SLC13A1: variants seen among roughly 807,000 people sequenced by gnomAD.
SLC13A1 encodes Na(+)/sulfate cotransporter.
In SLC13A1, 65 loss-of-function variants were observed where a neutral mutation model predicts 70.0. That is an observed-to-expected ratio of 0.93 (90% CI 0.76 to 1.14). The LOEUF (loss-of-function observed/expected upper bound fraction) is 1.14. SLC13A1 is among the 50% of genes most tolerant of loss of function. SLC13A1 has a pLI of 0.00. For synonymous variants in SLC13A1, 275 were observed against 250.5 expected (o/e 1.10, Z -0.92); for missense variants, 726 against 717.8 (o/e 1.01, Z -0.13).
rs141392908 is a variant in SLC13A1 at position 123,130,378 on chromosome 7, G to A, written c.933-897C>T. On this transcript the variant is annotated intron_variant, in intron 8 of 14. Coordinates refer to ENST00000194130, the MANE Select transcript of SLC13A1 (RefSeq NM_022444.4). ...GTACATATACACTATGGAATACTAT[G>A]CAGCCAAAACAAGGAACAAGATCAT... is the stretch of plus-strand genomic sequence containing the variant. Among the ~76,000 whole-genome samples the A allele has an allele frequency of 8.3e-3, 1,270 of 152,246 alleles. 9 individuals are homozygous for A. Among genetic ancestry groups the A allele is most frequent in the African/African-American group, 0.029 (1,188 of 41,534 alleles).
At chr7:123,155,590 G>T (rs1354175547) in intron 6 of SLC13A1, among the ~76,000 whole-genome samples, 2 of 151,980 alleles carry the variant, frequency 1.3e-5, no homozygotes, top group Admixed American at 1.3e-4. Flanking sequence ...AGATATCCAG[G>T]AATTTTTGGT....
At chr7:123,147,384 C>T (rs1414914746) in intron 6 of SLC13A1, 74 bp from the exon 7 acceptor site, 24 of 1,499,698 alleles carry the variant, frequency 1.6e-5, no homozygotes, top group Non-Finnish European at 2.1e-5. Flanking sequence ...TGTGTCCCAC[C>T]ACCCGCACCA....
At chr7:123,136,797 G>T (rs573756878) in intron 7 of SLC13A1, among the ~76,000 whole-genome samples, 1 of 152,140 alleles carries the variant, frequency 6.6e-6, no homozygotes, top group Non-Finnish European at 1.5e-5. Flanking sequence ...GAAATTTTAC[G>T]TAATGCCATC....
At chr7:123,171,134 G>C (rs918692816) in intron 3 of SLC13A1, among the ~76,000 whole-genome samples, 1 of 152,148 alleles carries the variant, frequency 6.6e-6, no homozygotes, top group African/African-American at 2.4e-5. Context: ...AAATGATTAT[G>C]ACACTGGAAA....
intron 7 of SLC13A1, among the ~76,000 whole-genome samples, chr7:123,136,401 A>G (rs1191568658): frequency 2.2e-4 from 34 of 152,204 alleles, no homozygotes. Context: ...ACCTAGAGTG[A>G]ATATTTTGGA....
At chr7:123,168,803 G>C (rs1795158182) in intron 4 of SLC13A1, among the ~76,000 whole-genome samples, 3 of 152,142 alleles carry the variant, frequency 2.0e-5, no homozygotes, top group Admixed American at 2.0e-4. Context: ...TATCCAAATA[G>C]AATGTAGGAA....
chr7:123,172,433 C>T (rs933161368), intron 2 of SLC13A1, among the ~76,000 whole-genome samples: 5 of 152,246 alleles, frequency 3.3e-5, no homozygotes, highest in African/African-American at 1.2e-4. Flanking sequence ...CCATCCTGGC[C>T]AACATAGTGA....
intron 8 of SLC13A1, among the ~76,000 whole-genome samples, chr7:123,133,688 C>T (rs888347366): frequency 6.6e-6 from 1 of 151,970 alleles, no homozygotes; most frequent in Non-Finnish European, 1.5e-5. Context: ...CCCGCCACAC[C>T]TGGCTATTTT....
intron 10 of SLC13A1, among the ~76,000 whole-genome samples, chr7:123,125,902 TC>T (rs1793542700): frequency 6.6e-6 from 1 of 152,170 alleles, no homozygotes; most frequent in Non-Finnish European, 1.5e-5. Context: ...ATATATCTCT[TC>T]TTATTTTCAA....
chr7:123,151,850 A>T (rs1794568280), intron 6 of SLC13A1, among the ~76,000 whole-genome samples: 1 of 152,014 alleles, frequency 6.6e-6, no homozygotes, highest in East Asian at 1.9e-4. Context: ...ATCTACTGAA[A>T]TATGCCTGGA....
At chr7:123,130,267 A>G (rs1299136514) in intron 8 of SLC13A1, among the ~76,000 whole-genome samples, 1 of 152,202 alleles carries the variant, frequency 6.6e-6, no homozygotes, top group African/African-American at 2.4e-5. Context: ...ATGCATACAT[A>G]TGTTCACTGC....
At chr7:123,168,007 C>T (rs1380681915) in intron 6 of SLC13A1, among the ~76,000 whole-genome samples, 2 of 152,006 alleles carry the variant, frequency 1.3e-5, no homozygotes, top group African/African-American at 2.4e-5. Context: ...TGCAATTCAC[C>T]TGTACTACAA....
At chr7:123,147,077 A>G (rs1389923508) in intron 7 of SLC13A1, 82 bp downstream of exon 7, 3 of 1,389,420 alleles carry the variant, frequency 2.2e-6, no homozygotes, top group Non-Finnish European at 2.9e-6. Flanking sequence ...CTGTACTTGA[A>G]TTCTCTGAAT....
At chr7:123,135,811 AT>A (rs1423196538) in intron 7 of SLC13A1, among the ~76,000 whole-genome samples, 1 of 152,270 alleles carries the variant, frequency 6.6e-6, no homozygotes, top group East Asian at 1.9e-4. Flanking sequence ...CTGGAGGATA[AT>A]TTTTATCTAC....
chr7:123,180,182 G>T (rs987598143), intron 2 of SLC13A1, among the ~76,000 whole-genome samples: 1 of 152,090 alleles, frequency 6.6e-6, no homozygotes, highest in Non-Finnish European at 1.5e-5. Flanking sequence ...GAAGAAGGAC[G>T]TGAAAATAAA....
intron 13 of SLC13A1, among the ~76,000 whole-genome samples, chr7:123,118,388 A>G (rs1023459397): frequency 1.1e-4 from 16 of 152,312 alleles, no homozygotes; most frequent in Admixed American, 5.2e-4. Flanking sequence ...GAACACCAAC[A>G]TATGCCCTTT....
In SLC13A1 at chr7:123,117,490, T is replaced by C. The variant is rs1236369496; in HGVS notation, c.1631A>G (p.His544Arg). Residue 544 changes from histidine to arginine, a missense_variant, in exon 14 of 15, where the codon CAT (histidine) becomes CGT (arginine). By Grantham distance (29) the His-to-Arg change is conservative (BLOSUM62 0). Transcript: ENST00000194130. ...ACTCACCATGTCAATGACTTTCAGA[T>C]GACCATATGAAAAGACAATAGCATT... ...PPNAIVFSYG[H>R]LKVIDMVKAG... 2 of 1,613,372 alleles carry C rather than the reference T, an allele frequency of 1.2e-6. No individual in the cohort carries two copies. Among genetic ancestry groups the C allele is most frequent in the Non-Finnish European group, 8.5e-7 (1 of 1,179,556 alleles).
At chr7:123,136,104 A>G (rs1405482810) in intron 7 of SLC13A1, among the ~76,000 whole-genome samples, 1 of 152,180 alleles carries the variant, frequency 6.6e-6, no homozygotes, top group Non-Finnish European at 1.5e-5. Context: ...TGCTGCTTGG[A>G]TTAGGTTTAG....
chr7:123,178,699 A>C (rs981200778), intron 2 of SLC13A1, among the ~76,000 whole-genome samples: 12 of 152,236 alleles, frequency 7.9e-5, no homozygotes, highest in Admixed American at 6.6e-4. Context: ...AAGGTAAGTT[A>C]CCCTGTCGGC....
Sources: gnomAD v4.1 joint callset for allele counts (sites outside exome capture counted in the v4.1 genomes callset) on GRCh38, gnomAD v4.1.1 for gene constraint, MANE v1.5 for transcripts, NCBI Gene and HGNC (gene_info 2026-07-23, HGNC 2026-07-21) for gene names.